Variants in ARID1B observed in about 807,000 individuals in gnomAD.
The protein encoded by ARID1B is AT-rich interactive domain-containing protein 1B.
Under a neutral mutation model 212.3 loss-of-function variants are expected in ARID1B, and 30 were observed. The ratio of observed to expected loss-of-function variants is 0.14; its 90% CI spans 0.11 to 0.19. The LOEUF is 0.19. Among genes scored for constraint, ARID1B ranks in the 10% least tolerant of loss-of-function variants. ARID1B has a pLI of 1.00. For missense variants in ARID1B, 2,891 were observed against 3,204.0 expected (o/e 0.90, Z 2.36); for synonymous variants, 1,402 against 1,301.7 (o/e 1.08, Z -1.66).
At chr6:156,796,358 G>A (rs1780378937) in intron 1 of ARID1B, among the ~76,000 whole-genome samples, 1 of 150,368 alleles carries the variant, frequency 6.7e-6, no homozygotes, top group African/African-American at 2.5e-5. Context: ...TCTGTAACCT[G>A]CTTTTTAGGC....
intron 4 of ARID1B, among the ~76,000 whole-genome samples, chr6:156,950,391 A>G (rs1793493381): frequency 6.6e-6 from 1 of 152,256 alleles, no homozygotes; most frequent in South Asian, 2.1e-4. Flanking sequence ...AGGTAGTATC[A>G]CTAAATGCAC....
At chr6:156,931,665 A>G (rs1477021063) in intron 3 of ARID1B, among the ~76,000 whole-genome samples, 1 of 152,110 alleles carries the variant, frequency 6.6e-6, no homozygotes, top group East Asian at 1.9e-4. Flanking sequence ...AAAATATTAA[A>G]AAAATAAATA....
chr6:156,955,197 G>C lies in ARID1B; in HGVS notation c.2247+19621G>C, dbSNP rs145472815. Reference sequence around the variant, plus strand: ...TGTTAGGATCCTGAATCTGGCATCTGTTGTATTTAGTGTAATTCCTACCTT... The same window carrying C: ...TGTTAGGATCCTGAATCTGGCATCTCTTGTATTTAGTGTAATTCCTACCTT... On this transcript the variant is annotated intron_variant, in intron 4 of 19. Transcript: ENST00000636930. The surrounding 1 kb of genome is among the most constrained non-coding windows in gnomAD (Gnocchi z 4.2). Among the ~76,000 whole-genome samples, 776 of 152,354 alleles carry C rather than the reference G, an allele frequency of 5.1e-3. 8 individuals carry two copies. The highest frequency in any genetic ancestry group is 0.017 in the African/African-American group (726 of 41,584).
At chr6:157,164,127 CT>C (rs1487438894) in intron 8 of ARID1B, among the ~76,000 whole-genome samples, 1 of 152,210 alleles carries the variant, frequency 6.6e-6, no homozygotes, top group East Asian at 1.9e-4. Flanking sequence ...CCTCCCTGTT[CT>C]GGTGTAAAAA....
chr6:157,070,644 G>T (rs117004065), intron 4 of ARID1B, among the ~76,000 whole-genome samples: 120 of 152,300 alleles, frequency 7.9e-4, no homozygotes, highest in Non-Finnish European at 1.1e-3. Flanking sequence ...TGGAGCATGC[G>T]GCAGTATCCC....
intron 15 of ARID1B, among the ~76,000 whole-genome samples, chr6:157,192,249 T>C (rs1793433172): frequency 6.6e-6 from 1 of 152,080 alleles, no homozygotes; most frequent in Admixed American, 6.5e-5. Context: ...TATGACAACA[T>C]GGAAAAAAAT....
At chr6:157,111,760 T>G (rs1363195100) in intron 6 of ARID1B, among the ~76,000 whole-genome samples, 1 of 152,226 alleles carries the variant, frequency 6.6e-6, no homozygotes. Context: ...TTTTTCATTT[T>G]CTAATACCAT....
intron 2 of ARID1B, among the ~76,000 whole-genome samples, chr6:156,835,113 G>A (rs1462602999): frequency 2.6e-5 from 4 of 151,946 alleles, no homozygotes; most frequent in South Asian, 4.2e-4. Flanking sequence ...GGTGGCGGGC[G>A]CCTGTAGTCC....
chr6:156,791,035 A>C (rs9372015), intron 1 of ARID1B, among the ~76,000 whole-genome samples: 36,938 of 152,194 alleles, frequency 0.24, 4,664 homozygotes, highest in Non-Finnish European at 0.28. Context: ...TTTATTTAAG[A>C]CAGTTATATT....
chr6:156,860,365 T>A (rs1049932515), intron 2 of ARID1B, among the ~76,000 whole-genome samples: 2 of 151,962 alleles, frequency 1.3e-5, no homozygotes. Flanking sequence ...AAAATTGATC[T>A]ATTTTGGTTT....
At chr6:156,932,144 A>AC (rs1562492914) in intron 3 of ARID1B, among the ~76,000 whole-genome samples, 1 of 95,196 alleles carries the variant, frequency 1.1e-5, no homozygotes, top group African/African-American at 6.1e-5. Flanking sequence ...AAAAAAAAAA[A>AC]AGGGGGGGGG....
chr6:157,150,340 C>T (rs900848714), intron 8 of ARID1B: 2 of 152,158 alleles, frequency 1.3e-5, no homozygotes, highest in Non-Finnish European at 2.9e-5. Flanking sequence ...TATATAAATA[C>T]ACATCCATGC....
intron 4 of ARID1B, among the ~76,000 whole-genome samples, chr6:156,971,596 C>T (rs1380433995): frequency 1.3e-5 from 2 of 152,178 alleles, no homozygotes; most frequent in Non-Finnish European, 2.9e-5. Context: ...TCTGGGCAGG[C>T]ATACTGAATT....
chr6:157,171,519 A>G (rs1174106678), intron 9 of ARID1B, among the ~76,000 whole-genome samples: 2 of 152,240 alleles, frequency 1.3e-5, no homozygotes, highest in Non-Finnish European at 1.5e-5. Flanking sequence ...AAAAATAAGC[A>G]TTTAAATAAA....
intron 3 of ARID1B, among the ~76,000 whole-genome samples, chr6:156,909,540 C>G (rs909572234): frequency 5.3e-5 from 8 of 152,150 alleles, no homozygotes; most frequent in Non-Finnish European, 1.2e-4. Flanking sequence ...TCAGAATACC[C>G]TTCTGTATCA....
intron 1 of ARID1B, among the ~76,000 whole-genome samples, chr6:156,812,954 G>T (rs1781661292): frequency 8.0e-6 from 1 of 124,460 alleles, no homozygotes; most frequent in Non-Finnish European, 1.7e-5. Flanking sequence ...GTGTGTGTGT[G>T]TGTGTGTGTG....
intron 6 of ARID1B, among the ~76,000 whole-genome samples, chr6:157,126,588 G>A (rs1396212128): frequency 1.3e-5 from 2 of 152,084 alleles, no homozygotes; most frequent in South Asian, 4.1e-4. Context: ...GAACCCTGGT[G>A]CAGATTTATG....
chr6:157,051,139 C>T (rs1198022581), intron 4 of ARID1B, among the ~76,000 whole-genome samples: 1 of 152,152 alleles, frequency 6.6e-6, no homozygotes, highest in Non-Finnish European at 1.5e-5. Flanking sequence ...ATGCTAATAC[C>T]TGTCATTTGG....
chr6:156,946,618 A>C (rs1320258075), intron 4 of ARID1B, among the ~76,000 whole-genome samples: 1 of 152,142 alleles, frequency 6.6e-6, no homozygotes, highest in Non-Finnish European at 1.5e-5. Flanking sequence ...GCAGGGACAC[A>C]ACTTGAGAGT....
Sources: allele counts gnomAD v4.1 joint callset (sites outside exome capture counted in the v4.1 genomes callset), GRCh38; gene constraint gnomAD v4.1.1; non-coding constraint Gnocchi (gnomAD v3.1); transcripts MANE v1.5; gene names NCBI Gene and HGNC (gene_info 2026-07-23, HGNC 2026-07-21).